The following CHCHD3 variants were observed in gnomAD, a reference collection of about 807,000 sequenced individuals.
The protein encoded by CHCHD3 is MICOS complex subunit MIC19.
Under a neutral mutation model 38.2 loss-of-function variants are expected in CHCHD3, and 20 were observed. That is an observed-to-expected ratio of 0.52 (90% confidence interval 0.37 to 0.76). The LOEUF is 0.76. Among genes scored for constraint, CHCHD3 ranks in the 30% least tolerant of loss-of-function variants. The probability of loss-of-function intolerance (pLI) is 0.00; values close to 1 mark genes in which losing one functional copy is unlikely to be tolerated. For synonymous variants in CHCHD3, 82 were observed against 100.0 expected (o/e 0.82, Z 1.07); for missense variants, 245 against 279.2 (o/e 0.88, Z 0.87).
intron 6 of CHCHD3, among the ~76,000 whole-genome samples, chr7:132,822,273 T>C (rs997910262): frequency 1.3e-5 from 2 of 152,190 alleles, no homozygotes; most frequent in Non-Finnish European, 2.9e-5. Flanking sequence ...TCAGAGTTAA[T>C]GGAAAAAGTT....
intron 3 of CHCHD3, among the ~76,000 whole-genome samples, chr7:133,014,441 G>A (rs193017660): frequency 6.6e-5 from 10 of 151,908 alleles, no homozygotes; most frequent in African/African-American, 1.9e-4. Context: ...TGCTCCCATC[G>A]TGGCTGAATA....
chr7:132,957,998 A>G (rs1200865496), intron 4 of CHCHD3, among the ~76,000 whole-genome samples: 2 of 152,220 alleles, frequency 1.3e-5, no homozygotes, highest in Non-Finnish European at 2.9e-5. Context: ...TTGCTTTAAA[A>G]TAAAATAAAA....
rs527916419 is a variant in CHCHD3 at position 132,970,066 on chromosome 7, C to T, written c.369+5103G>A. 1.1e-4 allele frequency among the ~76,000 whole-genome samples: 16 copies of T among 152,238 alleles called. No homozygotes were observed. In the East Asian group the frequency reaches 2.7e-3, roughly 26 times the overall value. The stretch of plus-strand genomic sequence containing the variant: ...ATTATAAACAGGACCTAGGGCCAGG[C>T]CAGGCAAGGGTTAAGTCGTGAATCC... On this transcript the variant is annotated intron_variant, in intron 4 of 7. Transcript: ENST00000262570.
At chr7:132,990,983 A>ACACAC (rs1562931405) in intron 3 of CHCHD3, among the ~76,000 whole-genome samples, 23 of 80,176 alleles carry the variant, frequency 2.9e-4, no homozygotes, top group African/African-American at 1.0e-3. Flanking sequence ...CACACACACA[A>ACACAC]CCTAACTCAT....
intron 2 of CHCHD3, among the ~76,000 whole-genome samples, chr7:133,055,680 A>C (rs2117509700): frequency 6.7e-6 from 1 of 150,262 alleles, no homozygotes; most frequent in African/African-American, 2.4e-5. Context: ...GTGTGTATAC[A>C]TAAAATACTG....
At chr7:132,985,106 C>T (rs1346999326) in intron 3 of CHCHD3, among the ~76,000 whole-genome samples, 23 of 88,884 alleles carry the variant, frequency 2.6e-4, no homozygotes, top group Admixed American at 4.6e-4. Flanking sequence ...CCAGCCGCCC[C>T]ATCCGGGAGG....
chr7:132,966,959 G>A (rs985190086), intron 4 of CHCHD3, among the ~76,000 whole-genome samples: 1 of 152,152 alleles, frequency 6.6e-6, no homozygotes, highest in African/African-American at 2.4e-5. Context: ...CACAATGAAT[G>A]CCACGTCATC....
chr7:133,008,982 AAAC>A lies in CHCHD3; in HGVS notation c.251+15561_251+15563del, dbSNP rs956257083. Among the ~76,000 whole-genome samples, 14 of 151,996 alleles carry A rather than the reference AAAC, an allele frequency of 9.2e-5. No homozygotes were observed. The East Asian group carries it at 1.4e-3, about 15-fold the overall frequency. Reference sequence around the variant, plus strand: ...AAACAAAAAAGACCAAAAAAAAAAAAAACAACAACAACAAAAACCAGAACACAA... The same window carrying A: ...AAACAAAAAAGACCAAAAAAAAAAAAAACAACAACAAAAACCAGAACACAA... On this transcript the variant is annotated intron_variant, in intron 3 of 7. Transcript: ENST00000262570.
intron 4 of CHCHD3, among the ~76,000 whole-genome samples, chr7:132,952,545 C>A (rs1811057582): frequency 6.6e-6 from 1 of 152,196 alleles, no homozygotes; most frequent in Non-Finnish European, 1.5e-5. Context: ...GAACTAATAT[C>A]AAGCCTGAGT....
At chr7:132,796,636 G>A in intron 6 of CHCHD3, 59 bp from the exon 7 acceptor site, 5 of 1,511,278 alleles carry the variant, frequency 3.3e-6, no homozygotes, top group Non-Finnish European at 2.7e-6. Flanking sequence ...TAAAAATCAA[G>A]GTTAAAGAAC....
intron 6 of CHCHD3, chr7:132,813,578 CTGT>C (rs1807127485): frequency 1.3e-5 from 2 of 152,282 alleles, no homozygotes; most frequent in Admixed American, 1.3e-4. Flanking sequence ...TAAATGGTAG[CTGT>C]TGTTATTATT....
At chr7:132,824,254 G>C (rs1176053945) in intron 6 of CHCHD3, among the ~76,000 whole-genome samples, 2 of 150,620 alleles carry the variant, frequency 1.3e-5, no homozygotes, top group South Asian at 2.1e-4. Context: ...AATCCTAGTG[G>C]TGACAATTAT....
intron 6 of CHCHD3, among the ~76,000 whole-genome samples, chr7:132,819,942 C>T (rs572426487): frequency 6.6e-6 from 1 of 152,238 alleles, no homozygotes; most frequent in African/African-American, 2.4e-5. Context: ...AAAAGATCAG[C>T]CCAGGAGGTA....
In CHCHD3 at chr7:133,075,532, GCTCT is replaced by G. The variant is rs936800237; in HGVS notation, c.82-5307_82-5304del. Reference sequence around the variant, plus strand: ...GTTATCATCTGTATCCAAAGTTAATGCTCTCTGAGCTGACCTTCCCATTGCAGTA... The same window carrying G: ...GTTATCATCTGTATCCAAAGTTAATGCTGAGCTGACCTTCCCATTGCAGTA... On this transcript the variant is annotated intron_variant, in intron 1 of 7. Coordinates refer to ENST00000262570, the MANE Select transcript of CHCHD3 (RefSeq NM_017812.4). Among the ~76,000 whole-genome samples the G allele has an allele frequency of 1.7e-3, 264 of 152,262 alleles. 1 individual carries two copies. Among genetic ancestry groups the G allele is most frequent in the African/African-American group, 6.1e-3 (253 of 41,542 alleles).
chr7:132,993,930 AAGTCTCCAACTCCC>A (rs1812347476), intron 3 of CHCHD3, among the ~76,000 whole-genome samples: 1 of 152,206 alleles, frequency 6.6e-6, no homozygotes, highest in South Asian at 2.1e-4. Context: ...GAGATGCTTC[AAGTCTCCAACTCCC>A]AGAATCCTCT....
At chr7:133,011,990 T>C (rs1812889014) in intron 3 of CHCHD3, among the ~76,000 whole-genome samples, 1 of 152,142 alleles carries the variant, frequency 6.6e-6, no homozygotes, top group Non-Finnish European at 1.5e-5. Flanking sequence ...AATGGCGCAA[T>C]CTCGGCTCAC....
chr7:132,918,180 T>G lies in CHCHD3; in HGVS notation c.370-32435A>C, dbSNP rs1247015147. Among the ~76,000 whole-genome samples, 3 of 152,322 alleles carry G rather than the reference T, an allele frequency of 2.0e-5. No homozygotes were observed. The South Asian group carries it at 6.2e-4, about 32-fold the overall frequency. On this transcript the variant is annotated intron_variant, in intron 4 of 7. Transcript: ENST00000262570. ...CTACCACTGTATTCAAAAAAATCTA[T>G]AGCATTGAAAAGCCTTGAGTTGGCT...
chr7:132,866,404 G>T (rs1002230791), intron 5 of CHCHD3, among the ~76,000 whole-genome samples: 3 of 152,196 alleles, frequency 2.0e-5, no homozygotes, highest in Admixed American at 2.0e-4. Flanking sequence ...AGCTGGAAAG[G>T]TTTAATTAAG....
At position 132,905,404 on chromosome 7, in the gene CHCHD3, C is replaced by T. The variant is rs746365457; in HGVS notation, c.370-19659G>A. 4.6e-5 allele frequency among the ~76,000 whole-genome samples: 7 copies of T among 151,876 alleles called. No individual in the cohort carries two copies. The South Asian group carries it at 1.5e-3, about 32-fold the overall frequency. On this transcript the variant is annotated intron_variant, in intron 4 of 7. Coordinates refer to ENST00000262570, the MANE Select transcript of CHCHD3 (RefSeq NM_017812.4). ...ATAAGTGGGAGCTGAACAATGAGAA[C>T]ACATGGACACATGGGGGGAAACAAC... is the stretch of plus-strand genomic sequence containing the variant.
Sources: allele counts gnomAD v4.1 joint callset (sites outside exome capture counted in the v4.1 genomes callset), GRCh38; gene constraint gnomAD v4.1.1; transcripts MANE v1.5; gene names NCBI Gene and HGNC (gene_info 2026-07-23, HGNC 2026-07-21).